Variants in RALGAPA2 observed in about 807,000 individuals in gnomAD.
RALGAPA2 encodes the protein ral GTPase-activating protein subunit alpha-2.
RALGAPA2 carries 139 observed loss-of-function variants against 230.4 expected under a neutral mutation model. That is an observed-to-expected ratio of 0.60 (90% CI 0.53 to 0.69). The LOEUF (loss-of-function observed/expected upper bound fraction) is 0.69, where lower values mean the gene tolerates loss of function less well. Among genes scored for constraint, RALGAPA2 ranks in the 30% least tolerant of loss-of-function variants. The pLI is 0.00. For synonymous variants in RALGAPA2, 847 were observed against 837.8 expected, an observed-to-expected ratio of 1.01 and a Z score of -0.19; for missense variants, 2,163 against 2,276.0, an observed-to-expected ratio of 0.95 and a Z score of 1.01.
chr20:20,419,503 C>A (rs995072016), intron 37 of RALGAPA2, among the ~76,000 whole-genome samples: 2 of 152,008 alleles, frequency 1.3e-5, no homozygotes, highest in African/African-American at 4.8e-5. Context: ...CAGAAATAGA[C>A]CAGAATGTCA....
chr20:20,521,140 A>G (rs1382155850), intron 30 of RALGAPA2, 40 bp from the exon 31 acceptor site: 1 of 1,519,364 alleles, frequency 6.6e-7, no homozygotes, highest in South Asian at 1.2e-5. Context: ...GATGCTACTC[A>G]CCGCGTGTCC....
At chr20:20,708,048 A>G (rs1196796051) in intron 1 of RALGAPA2, among the ~76,000 whole-genome samples, 1 of 152,140 alleles carries the variant, frequency 6.6e-6, no homozygotes, top group East Asian at 1.9e-4. Context: ...GTGAACTGAT[A>G]TGTGCTGTAA....
At chr20:20,606,802 A>G (rs778108835) in intron 14 of RALGAPA2, among the ~76,000 whole-genome samples, 1 of 152,230 alleles carries the variant, frequency 6.6e-6, no homozygotes, top group Non-Finnish European at 1.5e-5. Context: ...GCCCTATGAG[A>G]CAATTATGCC....
intron 7 of RALGAPA2, 97 bp from the exon 8 acceptor site, chr20:20,637,598 TA>T: frequency 3.6e-6 from 4 of 1,102,778 alleles, no homozygotes; most frequent in Non-Finnish European, 5.0e-6. Context: ...ATTCCTAACC[TA>T]AATGTAAAAA....
chr20:20,649,801 C>G (rs947343427), intron 4 of RALGAPA2, among the ~76,000 whole-genome samples: 2 of 152,158 alleles, frequency 1.3e-5, no homozygotes, highest in African/African-American at 4.8e-5. Flanking sequence ...GTTGACGATG[C>G]GCAGCCTGCC....
At chr20:20,690,376 A>G (rs1683588684) in intron 1 of RALGAPA2, among the ~76,000 whole-genome samples, 1 of 152,024 alleles carries the variant, frequency 6.6e-6, no homozygotes, top group South Asian at 2.1e-4. Context: ...AACCAAACTC[A>G]GTAAGGAGAC....
chr20:20,548,910 C>T (rs148972626), intron 23 of RALGAPA2, among the ~76,000 whole-genome samples: 148 of 152,266 alleles, frequency 9.7e-4, no homozygotes, highest in African/African-American at 3.4e-3. Context: ...ACATATGTTG[C>T]AATGAAAGGA....
intron 1 of RALGAPA2, among the ~76,000 whole-genome samples, chr20:20,697,526 G>A (rs2069163317): frequency 6.6e-6 from 1 of 152,146 alleles, no homozygotes; most frequent in Non-Finnish European, 1.5e-5. Context: ...GAGGTAATGT[G>A]CCAGAATGCC....
chr20:20,406,986 G>A (rs905256903), intron 38 of RALGAPA2, among the ~76,000 whole-genome samples: 3 of 152,146 alleles, frequency 2.0e-5, no homozygotes, highest in East Asian at 1.9e-4. Flanking sequence ...TGGTAGCTAC[G>A]GCTCTGATTA....
intron 23 of RALGAPA2, among the ~76,000 whole-genome samples, chr20:20,555,974 C>T (rs992670449): frequency 3.9e-5 from 6 of 152,252 alleles, no homozygotes; most frequent in Middle Eastern, 3.4e-3. Flanking sequence ...ACATCCTTGT[C>T]TTGTCCCTGA....
chr20:20,478,176 C>T (rs938732396), intron 36 of RALGAPA2, among the ~76,000 whole-genome samples: 13 of 152,034 alleles, frequency 8.6e-5, no homozygotes, highest in Admixed American at 7.9e-4. Context: ...CATGGGTCAA[C>T]AAAATATTGA....
intron 1 of RALGAPA2, among the ~76,000 whole-genome samples, chr20:20,682,137 T>C (rs956826652): frequency 6.6e-6 from 1 of 152,240 alleles, no homozygotes; most frequent in Non-Finnish European, 1.5e-5. Context: ...GCCCTGGCTC[T>C]TTGAAATAAT....
chr20:20,673,648 T>A (rs1451316838), intron 3 of RALGAPA2, among the ~76,000 whole-genome samples: 1 of 152,074 alleles, frequency 6.6e-6, no homozygotes, highest in Non-Finnish European at 1.5e-5. Context: ...AATGAGTGGT[T>A]AAAATCTTCA....
intron 36 of RALGAPA2, among the ~76,000 whole-genome samples, chr20:20,481,485 T>C (rs1468753349): frequency 6.6e-6 from 1 of 152,234 alleles, no homozygotes; most frequent in Non-Finnish European, 1.5e-5. Flanking sequence ...TTACCCAGTT[T>C]GGTCAGTTAT....
intron 5 of RALGAPA2, among the ~76,000 whole-genome samples, chr20:20,643,089 G>C (rs1412547518): frequency 6.6e-6 from 1 of 152,138 alleles, no homozygotes; most frequent in Admixed American, 6.5e-5. Context: ...CTCACAATTA[G>C]TAAAATTAAT....
In RALGAPA2 at chr20:20,446,944, T is replaced by C. The variant is rs193076995; in HGVS notation, c.5495+25885A>G. On this transcript the variant is annotated intron_variant, in intron 37 of 39. Transcript: ENST00000202677. ...ATAGTTCTGCTAAGTTTTAGTTTGA[T>C]GGCCCATTTGTCATGAAGTCAAACC... Among the ~76,000 whole-genome samples, 292 of 152,350 alleles carry C rather than the reference T, an allele frequency of 1.9e-3. 1 individual carries two copies. Among genetic ancestry groups the C allele is most frequent in the African/African-American group, 6.5e-3 (272 of 41,574 alleles).
At chr20:20,444,455 C>A (rs1464029598) in intron 37 of RALGAPA2, among the ~76,000 whole-genome samples, 2 of 152,122 alleles carry the variant, frequency 1.3e-5, no homozygotes, top group Non-Finnish European at 2.9e-5. Context: ...CAAATACACA[C>A]ACGCACAGAC....
intron 31 of RALGAPA2, among the ~76,000 whole-genome samples, chr20:20,519,422 C>T (rs1258482608): frequency 4.6e-5 from 7 of 152,210 alleles, no homozygotes; most frequent in Non-Finnish European, 8.8e-5. Flanking sequence ...CACCCAGCCA[C>T]TGCCTGCTGT....
At chr20:20,522,182 C>G (rs925269976) in intron 30 of RALGAPA2, among the ~76,000 whole-genome samples, 7 of 147,212 alleles carry the variant, frequency 4.8e-5, no homozygotes, top group African/African-American at 1.8e-4. Flanking sequence ...ACCAATAAGG[C>G]AGAATACATG....
Sources: allele counts gnomAD v4.1 joint callset (sites outside exome capture counted in the v4.1 genomes callset), GRCh38; gene constraint gnomAD v4.1.1; transcripts MANE v1.5; gene names NCBI Gene and HGNC (gene_info 2026-07-23, HGNC 2026-07-21).